ROGDI: variants seen among roughly 807,000 people sequenced by gnomAD.
ROGDI encodes the protein protein rogdi homolog.
Under a neutral mutation model 43.1 loss-of-function variants are expected in ROGDI, and 46 were observed. That is an observed-to-expected ratio of 1.07 (90% CI 0.84 to 1.37). The LOEUF is 1.37. Among genes scored for constraint, ROGDI ranks in the 40% most tolerant of loss-of-function variants. The pLI is 0.00. For missense variants in ROGDI, 518 were observed against 383.9 expected (o/e 1.35, Z -2.92); for synonymous variants, 243 against 162.0 (o/e 1.50, Z -3.80).
rs1047326132 is a variant in ROGDI, at chr16:4,800,693, G to A, written c.256-115C>T. On this transcript the variant is annotated intron_variant, in intron 4 of 10. Coordinates refer to ENST00000322048, the MANE Select transcript of ROGDI (RefSeq NM_024589.3). ...GTGTGTGGTGGTTCAGGCCTTGGCC[G>A]CTGTATAGGGCAGAGGGTCTCCCAA... 3.5e-5 allele frequency: 28 copies of A among 808,330 alleles called. 1 individual carries two copies. The highest frequency in any genetic ancestry group is 2.7e-4 in the African/African-American group (16 of 58,998). The allele number at this position is 808,330 out of a possible 1,614,324, so 50.1% of individuals were successfully genotyped here.
At chr16:4,801,679 G>C (rs1488792560) in intron 2 of ROGDI, 94 bp from the exon 3 acceptor site, 3 of 1,230,574 alleles carry the variant, frequency 2.4e-6, no homozygotes, top group African/African-American at 1.5e-5. Context: ...AAGTCAGCGG[G>C]GGGAAGGAAC....
chr16:4,797,577 G>T, intron 10 of ROGDI, 76 bp from the exon 11 acceptor site: 3 of 661,348 alleles, frequency 4.5e-6, no homozygotes, highest in South Asian at 6.1e-5. Flanking sequence ...GTCACCCAAG[G>T]ACAATATGTC....
chr16:4,802,351 A>T, intron 2 of ROGDI, 31 bp downstream of exon 2: 1 of 1,532,638 alleles, frequency 6.5e-7, no homozygotes. Flanking sequence ...GAGGGCCGCC[A>T]CGCCCGGCGG....
chr16:4,799,716 G>T lies in ROGDI; in HGVS notation c.402C>A (p.Tyr134Ter), dbSNP rs919033318. ...IYLLTSRDQS[Y>*]QFKTGAEVLK... is the part of the protein sequence containing the mutation. ...GGACCTCAGCGCCCGTCTTGAACTGGTAGCTCTGGTCCCGGCTGGTAAGCA... is the reference window on the plus strand; with the variant it reads ...GGACCTCAGCGCCCGTCTTGAACTGTTAGCTCTGGTCCCGGCTGGTAAGCA... The change falls in exon 6 of 11, where the codon TAC becomes TAA. Residue 134 changes from tyrosine to a stop codon, truncating the protein, a stop_gained. Transcript: ENST00000322048. LOFTEE classifies it high-confidence loss of function. 1.9e-6 allele frequency: 3 copies of T among 1,613,720 alleles called. No individual in the cohort carries two copies. Among genetic ancestry groups the T allele is most frequent in the Non-Finnish European group, 2.5e-6 (3 of 1,179,778 alleles).
intron 5 of ROGDI, 32 bp from the exon 6 acceptor site, chr16:4,799,813 C>T: frequency 6.5e-7 from 1 of 1,530,302 alleles, no homozygotes; most frequent in Non-Finnish European, 9.0e-7. Flanking sequence ...AGGGGTCACG[C>T]CAGCTTCCAT....
chr16:4,799,291 A>G (rs2082690311), intron 6 of ROGDI, among the ~76,000 whole-genome samples: 1 of 152,178 alleles, frequency 6.6e-6, no homozygotes, highest in Non-Finnish European at 1.5e-5. Context: ...ATCTTAGTCT[A>G]TCTGGTTCTA....
At position 4,797,856 on chromosome 16, in the gene ROGDI, G is replaced by A. The variant is rs373940267; in HGVS notation, c.696-16C>T. The A allele has an allele frequency of 1.8e-5, 29 of 1,609,600 alleles. No individual in the cohort carries two copies. The South Asian group carries it at 2.5e-4, about 14-fold the overall frequency. On this transcript the variant is annotated splice_polypyrimidine_tract_variant and intron_variant, in intron 9 of 10. Transcript: ENST00000322048. ...GCCCCACTCGCTGTGGGCAGTGAGA[G>A]GGTCCCTGAGGAGGGTCCCGGCCCT...
chr16:4,800,532 G>A lies in ROGDI; in HGVS notation c.302C>T (p.Ala101Val). 4 of 1,564,060 alleles carry A rather than the reference G, an allele frequency of 2.6e-6. No homozygotes were observed. Among genetic ancestry groups the A allele is most frequent in the Non-Finnish European group, 3.5e-6 (4 of 1,153,458 alleles). The change falls in exon 5 of 11, where the codon GCC becomes GTC. Residue 101 changes from alanine (A) to valine (V), a missense_variant. Coordinates refer to ENST00000322048, the MANE Select transcript of ROGDI (RefSeq NM_024589.3). ...CTTCCACTGCTTGTCCTCCCGGAAG[G>A]CGAAGTGCAGCAGCTGGTTGTTCCG... ...MPRNNQLLHF[A>V]FREDKQWKLQ... is the part of the protein sequence containing the mutation.
chr16:4,797,225 A>C lies in ROGDI; in HGVS notation c.*235T>G. The C allele has an allele frequency of 6.0e-6, 3 of 496,452 alleles. No individual in the cohort carries two copies. Among genetic ancestry groups the C allele is most frequent in the South Asian group, 2.4e-5 (1 of 41,230 alleles). 30.8% of individuals were successfully genotyped at this position (496,452 alleles called of 1,614,324 possible). The stretch of plus-strand genomic sequence containing the variant: ...TGGTGATCAGAGGGCGGTGTTGGGA[A>C]TGTGGGACACCCTTGGCCCCGCCTC... On this transcript the variant is annotated 3_prime_UTR_variant, in exon 11 of 11. Coordinates refer to ENST00000322048, the MANE Select transcript of ROGDI (RefSeq NM_024589.3).
intron 9 of ROGDI, 26 bp downstream of exon 9, chr16:4,797,912 T>C (rs2082672458): frequency 3.1e-6 from 5 of 1,599,760 alleles, no homozygotes; most frequent in Non-Finnish European, 3.4e-6. Flanking sequence ...TGGGCGTGCC[T>C]GGACCCCCCG....
intron 4 of ROGDI, chr16:4,800,941 C>A: frequency 2.0e-6 from 1 of 509,006 alleles, no homozygotes; most frequent in East Asian, 3.3e-5. Flanking sequence ...GTGCCTGGCA[C>A]AGAGTCGGGT....
intron 5 of ROGDI, among the ~76,000 whole-genome samples, 165 bp downstream of exon 5, chr16:4,800,333 G>A (rs2082699954): frequency 6.6e-6 from 1 of 152,194 alleles, no homozygotes. Context: ...GCAGCCTCCA[G>A]GGCTTCAGGA....
At chr16:4,798,273 G>A (rs1446878383) in intron 7 of ROGDI, 89 bp from the exon 8 acceptor site, 5 of 1,089,098 alleles carry the variant, frequency 4.6e-6, no homozygotes, top group Non-Finnish European at 6.9e-6. Flanking sequence ...GGAGTCTGCA[G>A]GGGATCCCAG....
In ROGDI at chr16:4,797,839, C is replaced by A. The variant is rs370388318; in HGVS notation, c.697G>T (p.Glu233Ter). The change falls in exon 10 of 11, where the codon GAG (glutamate) becomes TAG (stop). Residue 233 changes from glutamate (E) to a stop codon, truncating the protein, a stop_gained and splice_region_variant. Transcript: ENST00000322048. LOFTEE classifies it high-confidence loss of function. ...ACCTCCAGGCGCTGAGAGCCCCACT[C>A]GCTGTGGGCAGTGAGAGGGTCCCTG... is the stretch of plus-strand genomic sequence containing the variant. ...AVLHSPGAMFEWGSQRLEVSH... is the reference protein window; with the variant it reads ...AVLHSPGAMF 2 of 1,611,278 alleles carry A rather than the reference C, an allele frequency of 1.2e-6. No individual in the cohort carries two copies. Among genetic ancestry groups the A allele is most frequent in the South Asian group, 1.1e-5 (1 of 91,072 alleles).
In ROGDI at chr16:4,797,441, A is replaced by C. The variant is rs777841751; in HGVS notation, c.*19T>G. ...GGGACGGGGCCGCCTTCCTGGAGAC[A>C]AGCTCCTGGGTGCTGTGATCAGAAG... is the stretch of plus-strand genomic sequence containing the variant. On this transcript the variant is annotated 3_prime_UTR_variant, in exon 11 of 11. Transcript: ENST00000322048. 5.0e-6 allele frequency: 8 copies of C among 1,609,714 alleles called. No individual in the cohort carries two copies. The African/African-American group carries it at 9.4e-5, about 19-fold the overall frequency.
rs772226487 is a variant in ROGDI at position 4,798,681 on chromosome 16, C to A, written c.433-14G>T. 1.3e-6 allele frequency: 2 copies of A among 1,548,612 alleles called. No individual in the cohort carries two copies. The highest frequency in any genetic ancestry group is 1.7e-6 in the Non-Finnish European group (2 of 1,149,386). On this transcript the variant is annotated splice_polypyrimidine_tract_variant and intron_variant, in intron 6 of 10. Transcript: ENST00000322048. ...TGCGTCCATCAGCTGCAGGGAGAGG[C>A]GGGGTTGGCTCTGCGTCCTCCCGTG...
chr16:4,797,385 C>G lies in ROGDI; in HGVS notation c.*75G>C. On this transcript the variant is annotated 3_prime_UTR_variant, in exon 11 of 11. Coordinates refer to ENST00000322048, the MANE Select transcript of ROGDI (RefSeq NM_024589.3). ...GATAAATAGCAGCCTGGCGTTGGCA[C>G]TGGCTGGTGCTCTGTGGTGGGTATG... 7.1e-7 allele frequency: 1 copy of G among 1,407,062 alleles called. No individual in the cohort carries two copies. The highest frequency in any genetic ancestry group is 9.8e-7 in the Non-Finnish European group (1 of 1,016,440). 87.2% of individuals were successfully genotyped at this position (1,407,062 alleles called of 1,614,324 possible).
chr16:4,800,412 G>A, intron 5 of ROGDI, 86 bp downstream of exon 5: 1 of 1,072,276 alleles, frequency 9.3e-7, no homozygotes, highest in Non-Finnish European at 1.4e-6. Flanking sequence ...GATCCCCAGG[G>A]CTAGTCCCTC....
Position 4,802,408 on chromosome 16 carries a change from A to G in ROGDI, c.91T>C (p.Leu31=), listed in dbSNP as rs1201976752. 8.3e-6 allele frequency: 13 copies of G among 1,558,306 alleles called. No individual in the cohort carries two copies. The highest frequency in any genetic ancestry group is 1.1e-5 in the Non-Finnish European group (13 of 1,157,196). ...TTGAGGATGTCCTGCAGCTGCTTCAACACAGCGTGCACCTCGTCGTGCAGC... is the reference window on the plus strand; with the variant it reads ...TTGAGGATGTCCTGCAGCTGCTTCAGCACAGCGTGCACCTCGTCGTGCAGC... ...WLLHDEVHAV[L]KQLQDILKEA... is the part of the protein sequence containing the mutation. The change falls in exon 2 of 11, where the codon TTG becomes CTG. Residue 31 remains leucine, a synonymous_variant. Coordinates refer to ENST00000322048, the MANE Select transcript of ROGDI (RefSeq NM_024589.3).
Sources: allele counts gnomAD v4.1 joint callset (sites outside exome capture counted in the v4.1 genomes callset), GRCh38; gene constraint gnomAD v4.1.1; transcripts MANE v1.5; gene names NCBI Gene and HGNC (gene_info 2026-07-23, HGNC 2026-07-21).